The following FOXN3 variants were observed in gnomAD, a reference collection of about 807,000 sequenced individuals.
FOXN3 encodes the protein forkhead box N3.
FOXN3 carries 7 observed loss-of-function variants against 38.4 expected under a neutral mutation model. The ratio of observed to expected loss-of-function variants is 0.18; its 90% CI spans 0.10 to 0.34. The LOEUF (loss-of-function observed/expected upper bound fraction) is 0.34. Among genes scored for constraint, FOXN3 ranks in the 10% least tolerant of loss-of-function variants. The pLI is 1.00. For synonymous variants in FOXN3, 230 were observed against 242.2 expected, an observed-to-expected ratio of 0.95 and a Z score of 0.47; for missense variants, 456 against 613.4, an observed-to-expected ratio of 0.74 and a Z score of 2.71.
In FOXN3 at chr14:89,280,964, C is replaced by T; in HGVS notation, c.731G>A (p.Gly244Glu). The T allele has an allele frequency of 1.2e-6, 2 of 1,613,760 alleles. No homozygotes were observed. Among genetic ancestry groups the T allele is most frequent in the South Asian group, 2.2e-5 (2 of 90,974 alleles). The change falls in exon 4 of 6, where the codon GGA becomes GAA. Residue 244 changes from glycine (G) to glutamate (E), a missense_variant. By Grantham distance (98) the Gly-to-Glu change is moderately conservative (BLOSUM62 -2). This residue lies in a region of FOXN3 where 386 missense variants were observed against 505.2 expected (regional missense o/e 0.76). Coordinates refer to ENST00000557258, the MANE Select transcript of FOXN3 (RefSeq NM_005197.4). ...WPGSTFFKRNGALLQVPPGVI... is the reference protein window; with the variant it reads ...WPGSTFFKRNEALLQVPPGVI... ...TAGGGACCTACCTTGGAGAAGGGCT[C>T]CATTTCTCTTGAAGAAGGTACTGCC...
intron 4 of FOXN3, among the ~76,000 whole-genome samples, chr14:89,190,107 A>G (rs1028366714): frequency 6.6e-6 from 1 of 152,156 alleles, no homozygotes; most frequent in African/African-American, 2.4e-5. Context: ...CTTCACTGGG[A>G]CTCATTAAAG....
intron 2 of FOXN3, among the ~76,000 whole-genome samples, chr14:89,362,518 A>T (rs1889847333): frequency 1.0e-3 from 1 of 962 alleles, no homozygotes; most frequent in Non-Finnish European, 3.2e-3. Flanking sequence ...CACCACCACC[A>T]TCTCTACGAC....
rs1891228284 is a variant in FOXN3, at chr14:89,400,917, G to A, written c.543+11017C>T. 3.3e-5 allele frequency among the ~76,000 whole-genome samples: 5 copies of A among 152,140 alleles called. No homozygotes were observed. The South Asian group carries it at 1.0e-3, about 32-fold the overall frequency. On this transcript the variant is annotated intron_variant, in intron 2 of 5. Coordinates refer to ENST00000557258, the MANE Select transcript of FOXN3 (RefSeq NM_005197.4). ...TACATTACCTACCCTGTCCATGGAA[G>A]GAACTACTATTTACCACTTGCCTCC...
intron 1 of FOXN3, among the ~76,000 whole-genome samples, chr14:89,610,455 A>G (rs1896367064): frequency 6.6e-6 from 1 of 152,208 alleles, no homozygotes; most frequent in South Asian, 2.1e-4. Context: ...ATAACTCACG[A>G]CTGGCTGCCT....
At chr14:89,569,188 G>A (rs1173691715) in intron 1 of FOXN3, among the ~76,000 whole-genome samples, 1 of 151,856 alleles carries the variant, frequency 6.6e-6, no homozygotes, top group African/African-American at 2.4e-5. Flanking sequence ...CTGGGGGACA[G>A]AGCGAGACTC....
Position 89,288,718 on chromosome 14 carries a change from CTCTCTCTATATATATATATATATA to C in FOXN3, c.681-7728_681-7705del, listed in dbSNP as rs1566947674. Among the ~76,000 whole-genome samples, 167 of 43,750 alleles carry C rather than the reference CTCTCTCTATATATATATATATATA, an allele frequency of 3.8e-3. 1 individual carries two copies. The highest frequency in any genetic ancestry group is 4.8e-3 in the African/African-American group (42 of 8,734). The allele number at this position is 43,750 out of a possible 152,430, so 28.7% of individuals were successfully genotyped here. On this transcript the variant is annotated intron_variant, in intron 3 of 5. Transcript: ENST00000557258. Reference sequence around the variant, plus strand: ...TCTCTCTCTCTCTCTCTCTCTCTCTCTCTCTCTATATATATATATATATATATATATATATATATATATATATAT... The same window carrying C: ...TCTCTCTCTCTCTCTCTCTCTCTCTCTATATATATATATATATATATATAT...
chr14:89,333,186 T>C, intron 3 of FOXN3: 1 of 161,180 alleles, frequency 6.2e-6, no homozygotes, highest in South Asian at 1.3e-4. Context: ...TCCCAGCACT[T>C]GGGAAGCCGA....
chr14:89,589,290 C>G (rs1052129091), intron 1 of FOXN3, among the ~76,000 whole-genome samples: 1 of 152,156 alleles, frequency 6.6e-6, no homozygotes, highest in Non-Finnish European at 1.5e-5. Context: ...CCCAGACTTA[C>G]AAAAGCATTT....
intron 1 of FOXN3, among the ~76,000 whole-genome samples, chr14:89,527,749 T>A (rs909078176): frequency 6.6e-6 from 1 of 150,900 alleles, no homozygotes; most frequent in Non-Finnish European, 1.5e-5. Context: ...TCGCTCGGGC[T>A]GGAGTGCAGT....
intron 1 of FOXN3, among the ~76,000 whole-genome samples, chr14:89,496,451 G>C (rs1029425969): frequency 4.6e-5 from 7 of 152,042 alleles, no homozygotes; most frequent in African/African-American, 7.2e-5. Context: ...AGGAGTGCCA[G>C]CCCAAGTCCT....
Position 89,180,948 on chromosome 14 carries a change from G to GCACACA in FOXN3, c.746-143_746-142insTGTGTG, listed in dbSNP as rs1373861475. On this transcript the variant is annotated intron_variant, in intron 4 of 5. Coordinates refer to ENST00000557258, the MANE Select transcript of FOXN3 (RefSeq NM_005197.4). ...CAGAGAGAAACACACACACACACGT[G>GCACACA]CACATACACACACACACACACAGTC... The GCACACA allele has an allele frequency of 1.5e-4, 73 of 494,010 alleles. 2 individuals carry two copies. In the African/African-American group the frequency reaches 3.0e-3, roughly 21 times the overall value. The allele number at this position is 494,010 out of a possible 1,614,324, so 30.6% of individuals were successfully genotyped here.
chr14:89,604,054 A>C (rs555003193), intron 1 of FOXN3, among the ~76,000 whole-genome samples: 1 of 152,260 alleles, frequency 6.6e-6, no homozygotes, highest in Non-Finnish European at 1.5e-5. Context: ...CAAAACCTCA[A>C]GTTGAGAATT....
At position 89,389,651 on chromosome 14, in the gene FOXN3, T is replaced by C. The variant is rs117337737; in HGVS notation, c.543+22283A>G. Among the ~76,000 whole-genome samples the C allele has an allele frequency of 2.2e-3, 331 of 152,306 alleles. 10 individuals carry two copies. In the East Asian group the frequency reaches 0.05, roughly 23 times the overall value. On this transcript the variant is annotated intron_variant, in intron 2 of 5. Transcript: ENST00000557258. ...GACAAAGACGGAAAAACTGGTGAAA[T>C]TGATCTGCTGGCTGGCAGGCCACGG... is the stretch of plus-strand genomic sequence containing the variant.
At chr14:89,432,411 C>G (rs1470291935) in intron 1 of FOXN3, among the ~76,000 whole-genome samples, 11 of 152,212 alleles carry the variant, frequency 7.2e-5, no homozygotes, top group African/African-American at 2.7e-4. Flanking sequence ...TACCCAATGA[C>G]TGCGATCCAA....
intron 5 of FOXN3, among the ~76,000 whole-genome samples, chr14:89,175,512 T>C (rs1385565442): frequency 6.6e-6 from 1 of 152,184 alleles, no homozygotes; most frequent in African/African-American, 2.4e-5. Context: ...AGGCTTTCCA[T>C]GTTACTTATT....
intron 1 of FOXN3, among the ~76,000 whole-genome samples, chr14:89,574,864 G>T (rs1342989650): frequency 6.7e-6 from 1 of 150,260 alleles, no homozygotes; most frequent in African/African-American, 2.5e-5. Context: ...AATCAGAATT[G>T]CCTTTACAGC....
rs1887180536 is a variant in FOXN3 at position 89,164,204 on chromosome 14, C to A, written c.852-1235G>T. Among the ~76,000 whole-genome samples, 1 of 152,150 alleles carries A rather than the reference C, an allele frequency of 6.6e-6. No individual in the cohort carries two copies. The highest frequency in any genetic ancestry group is 2.1e-4 in the South Asian group (1 of 4,822). On this transcript the variant is annotated intron_variant, in intron 5 of 5. Transcript: ENST00000557258. The surrounding 1 kb of genome is among the most constrained non-coding windows in gnomAD (Gnocchi z 4.3). Reference sequence around the variant, plus strand: ...GCTGCCTGTCTGTTAGTGCCTGGCGCCCAGCCTTCAGAAGGATGAATACTT... The same window carrying A: ...GCTGCCTGTCTGTTAGTGCCTGGCGACCAGCCTTCAGAAGGATGAATACTT...
chr14:89,603,715 T>C (rs1401103896), intron 1 of FOXN3, among the ~76,000 whole-genome samples: 3 of 152,176 alleles, frequency 2.0e-5, no homozygotes, highest in East Asian at 1.9e-4. Context: ...AACATATTCA[T>C]GAGCTCACAC....
chr14:89,542,387 G>C (rs1487097362), intron 1 of FOXN3, among the ~76,000 whole-genome samples: 1 of 152,160 alleles, frequency 6.6e-6, no homozygotes, highest in East Asian at 1.9e-4. Flanking sequence ...CTAACTTTCT[G>C]AGAATGGAGC....
Sources: gnomAD v4.1 joint callset for allele counts (sites outside exome capture counted in the v4.1 genomes callset) on GRCh38, gnomAD v4.1.1 for gene constraint, gnomAD v4.1.1 regional missense constraint, Gnocchi (gnomAD v3.1) non-coding constraint, MANE v1.5 for transcripts, NCBI Gene and HGNC (gene_info 2026-07-23, HGNC 2026-07-21) for gene names.